Variants in TMPRSS4 observed in about 807,000 individuals in gnomAD.
The protein encoded by TMPRSS4 is transmembrane protease serine 4.
In TMPRSS4, 45 loss-of-function variants were observed where a neutral mutation model predicts 56.4. The observed-to-expected ratio is 0.80, with a 90% CI of 0.63 to 1.02. The LOEUF (loss-of-function observed/expected upper bound fraction) is 1.02, where lower values mean the gene tolerates loss of function less well. Ranked by LOEUF, TMPRSS4 falls within the 50% of genes least tolerant of loss-of-function variation. The pLI is 0.00. For synonymous variants in TMPRSS4, 205 were observed against 211.0 expected (o/e 0.97, Z 0.25); for missense variants, 546 against 556.7 (o/e 0.98, Z 0.19).
At chr11:118,108,100 G>C (rs1444626823) in intron 6 of TMPRSS4, 1 of 526,768 alleles carries the variant, frequency 1.9e-6, no homozygotes, top group Non-Finnish European at 3.4e-6. Context: ...GCTGGACAAA[G>C]TGTGTTGTCC....
intron 4 of TMPRSS4, among the ~76,000 whole-genome samples, chr11:118,104,291 C>T (rs1946875447): frequency 6.6e-6 from 1 of 152,334 alleles, no homozygotes; most frequent in South Asian, 2.1e-4. Flanking sequence ...CTCTCTCAGA[C>T]ATTTCCCCAG....
intron 1 of TMPRSS4, among the ~76,000 whole-genome samples, chr11:118,077,575 T>C (rs1944755129): frequency 6.6e-6 from 1 of 152,208 alleles, no homozygotes; most frequent in African/African-American, 2.4e-5. Context: ...GACTATTCTT[T>C]CCTGAATCCT....
chr11:118,107,345 A>C (rs560263793), intron 5 of TMPRSS4: 1 of 154,762 alleles, frequency 6.5e-6, no homozygotes, highest in Admixed American at 6.5e-5. Flanking sequence ...TGGAGAACGA[A>C]ATATCCACAT....
intron 5 of TMPRSS4, chr11:118,107,525 TC>T (rs1340575597): frequency 8.2e-6 from 3 of 365,300 alleles, no homozygotes; most frequent in Non-Finnish European, 1.0e-5. Flanking sequence ...GGATTTGGAT[TC>T]CCCACCCAAG....
At chr11:118,110,911 A>C (rs1947244048) in intron 7 of TMPRSS4, among the ~76,000 whole-genome samples, 1 of 152,202 alleles carries the variant, frequency 6.6e-6, no homozygotes, top group Non-Finnish European at 1.5e-5. Context: ...AGAGAACTAC[A>C]AGCAGATCAA....
chr11:118,102,644 G>A (rs529400703), intron 3 of TMPRSS4, among the ~76,000 whole-genome samples: 17 of 152,318 alleles, frequency 1.1e-4, no homozygotes, highest in African/African-American at 3.6e-4. Context: ...GGGAGGCAGA[G>A]GCTACAGTGA....
At chr11:118,114,509 AG>A (rs1947441506) in intron 9 of TMPRSS4, among the ~76,000 whole-genome samples, 1 of 152,178 alleles carries the variant, frequency 6.6e-6, no homozygotes. Context: ...AGGATTGGAT[AG>A]TGTGGACAAT....
At chr11:118,099,253 T>A in intron 3 of TMPRSS4, 155 bp downstream of exon 3, 1 of 514,554 alleles carries the variant, frequency 1.9e-6, no homozygotes, top group Non-Finnish European at 3.4e-6. Context: ...ACCCACTCAG[T>A]AAGTGGCAGC....
At chr11:118,104,984 T>C (rs1201672639) in intron 5 of TMPRSS4, among the ~76,000 whole-genome samples, 164 bp downstream of exon 5, 1 of 152,188 alleles carries the variant, frequency 6.6e-6, no homozygotes, top group Non-Finnish European at 1.5e-5. Context: ...TGAAGTTAAA[T>C]TTCCTAAGCC....
Position 118,118,643 on chromosome 11 carries a change from G to T in TMPRSS4, c.*730G>T. Reference sequence around the variant, plus strand: ...TGAGCTGCAGATTACAGAAACCAGGGTGAGCAAGTTTGAGTCCCACACAGG... The same window carrying T: ...TGAGCTGCAGATTACAGAAACCAGGTTGAGCAAGTTTGAGTCCCACACAGG... On this transcript the variant is annotated 3_prime_UTR_variant, in exon 13 of 13. Coordinates refer to ENST00000437212, the MANE Select transcript of TMPRSS4 (RefSeq NM_019894.4). 1.0e-6 allele frequency: 1 copy of T among 985,436 alleles called. No individual in the cohort carries two copies. The highest frequency in any genetic ancestry group is 1.2e-6 in the Non-Finnish European group (1 of 830,048). 61.0% of individuals were successfully genotyped at this position (985,436 alleles called of 1,614,324 possible).
intron 3 of TMPRSS4, chr11:118,102,892 G>T (rs2135404298): frequency 3.4e-6 from 2 of 595,888 alleles, no homozygotes; most frequent in Admixed American, 3.0e-5. Flanking sequence ...GACATCTTGT[G>T]GGGGTGGGGC....
Position 118,107,808 on chromosome 11 carries a change from G to C in TMPRSS4, c.475G>C (p.Asp159His), listed in dbSNP as rs1189662542. The change falls in exon 6 of 13, where the codon GAC (aspartate) becomes CAC (histidine). Residue 159 changes from aspartate (D) to histidine (H), a missense_variant. By Grantham distance (81) the Asp-to-His change is moderately conservative (BLOSUM62 -1). Transcript: ENST00000437212. ...TTTCAGAGCTGTGGAGATTGGCCCA[G>C]ACCAGGATCTGGATGTTGTTGAAAT... is the stretch of plus-strand genomic sequence containing the variant. ...PTFRAVEIGP[D>H]QDLDVVEITE... is the part of the protein sequence containing the mutation. 1 of 1,614,048 alleles carries C rather than the reference G, an allele frequency of 6.2e-7. No homozygotes were observed. Among genetic ancestry groups the C allele is most frequent in the African/African-American group, 1.3e-5 (1 of 74,924 alleles).
downstream of TMPRSS4, among the ~76,000 whole-genome samples, chr11:118,124,386 C>CA (rs1287257819): frequency 1.3e-5 from 2 of 151,160 alleles, no homozygotes; most frequent in Non-Finnish European, 2.9e-5. Context: ...TCCATCTCAA[C>CA]AAAAAACAAA....
rs777060457 is a variant in TMPRSS4 at position 118,111,747 on chromosome 11, G to T, written c.590G>T (p.Gly197Val). 3 of 1,575,722 alleles carry T rather than the reference G, an allele frequency of 1.9e-6. No individual in the cohort carries two copies. The highest frequency in any genetic ancestry group is 1.7e-6 in the Non-Finnish European group (2 of 1,164,216). The change falls in exon 8 of 13, where the codon GGG becomes GTG. Residue 197 changes from glycine to valine, a missense_variant. Coordinates refer to ENST00000437212, the MANE Select transcript of TMPRSS4 (RefSeq NM_019894.4). Reference sequence around the variant, plus strand: ...TGCCTCTGCCTGTGTCCAGCCTGTGGGAAGAGCCTGAAGACCCCCCGTGTG... The same window carrying T: ...TGCCTCTGCCTGTGTCCAGCCTGTGTGAAGAGCCTGAAGACCCCCCGTGTG... ...SLVSLHCLACGKSLKTPRVVG... is the reference protein window; with the variant it reads ...SLVSLHCLACVKSLKTPRVVG...
At chr11:118,092,220 G>A (rs1300140275) in intron 1 of TMPRSS4, among the ~76,000 whole-genome samples, 3 of 152,222 alleles carry the variant, frequency 2.0e-5, no homozygotes, top group Non-Finnish European at 4.4e-5. Flanking sequence ...CCGCTGCCTA[G>A]ACAAAACCAA....
intron 3 of TMPRSS4, 175 bp from the exon 4 acceptor site, chr11:118,102,926 A>G: frequency 1.3e-6 from 1 of 762,252 alleles, no homozygotes; most frequent in Non-Finnish European, 2.2e-6. Context: ...TCCACTTTAC[A>G]GACAAGGAAG....
intron 8 of TMPRSS4, among the ~76,000 whole-genome samples, chr11:118,112,336 C>T (rs1200099929): frequency 1.3e-5 from 2 of 149,212 alleles, no homozygotes; most frequent in Non-Finnish European, 3.0e-5. Flanking sequence ...CACAGAGAAG[C>T]CTGGCCTTAC....
At chr11:118,115,468 G>C (rs2135461340) in intron 11 of TMPRSS4, 188 bp downstream of exon 11, 1 of 643,138 alleles carries the variant, frequency 1.6e-6, no homozygotes. Flanking sequence ...TAGATGAGTG[G>C]GTGGATGGAT....
At position 118,118,432 on chromosome 11, in the gene TMPRSS4, T is replaced by A; in HGVS notation, c.*519T>A. The stretch of plus-strand genomic sequence containing the variant: ...TTATTACAGCTATGGCCACTATTAT[T>A]AAAGAGCTGTGTAACATCTCTGGCA... On this transcript the variant is annotated 3_prime_UTR_variant, in exon 13 of 13. Coordinates refer to ENST00000437212, the MANE Select transcript of TMPRSS4 (RefSeq NM_019894.4). The A allele has an allele frequency of 1.0e-6, 1 of 988,192 alleles. No homozygotes were observed. The highest frequency in any genetic ancestry group is 1.2e-6 in the Non-Finnish European group (1 of 831,964). The allele number at this position is 988,192 out of a possible 1,614,324, so 61.2% of individuals were successfully genotyped here.
Sources: gnomAD v4.1 joint callset for allele counts (sites outside exome capture counted in the v4.1 genomes callset) on GRCh38, gnomAD v4.1.1 for gene constraint, MANE v1.5 for transcripts, NCBI Gene and HGNC (gene_info 2026-07-23, HGNC 2026-07-21) for gene names.